BCL11A: variants seen among roughly 807,000 people sequenced by gnomAD.
BCL11A encodes the protein BCL11 transcription factor A, also known as B cell CLL/lymphoma 11A.
Under a neutral mutation model 55.9 loss-of-function variants are expected in BCL11A, and 2 were observed. The observed-to-expected ratio is 0.04, with a 90% CI of 0.01 to 0.11. The LOEUF (loss-of-function observed/expected upper bound fraction) is 0.11, where lower values mean the gene tolerates loss of function less well. Among genes scored for constraint, BCL11A ranks in the 10% least tolerant of loss-of-function variants. The pLI is 1.00. For missense variants in BCL11A, 817 were observed against 1,137.1 expected, an observed-to-expected ratio of 0.72 and a Z score of 4.05; for synonymous variants, 465 against 473.4, an observed-to-expected ratio of 0.98 and a Z score of 0.23.
At chr2:60,514,708 G>C (rs1241092659) in intron 2 of BCL11A, among the ~76,000 whole-genome samples, 1 of 151,158 alleles carries the variant, frequency 6.6e-6, no homozygotes, top group Non-Finnish European at 1.5e-5. Flanking sequence ...GAGTTTCTTA[G>C]GAAAAAAATC....
At position 60,488,812 on chromosome 2, in the gene BCL11A, TGCAATGGC is replaced by T. The variant is rs60163447; in HGVS notation, c.386-19987_386-19980del. 6.7e-3 allele frequency among the ~76,000 whole-genome samples: 1,013 copies of T among 152,294 alleles called. 10 individuals carry two copies. The highest frequency in any genetic ancestry group is 0.023 in the African/African-American group (975 of 41,546). On this transcript the variant is annotated intron_variant, in intron 2 of 3. Transcript: ENST00000642384. ...TTCGCTCTTGTTGCCCGGGCTGGAGTGCAATGGCGCAATCTCGGCTCACCGCAATCTCC... is the reference window on the plus strand; with the variant it reads ...TTCGCTCTTGTTGCCCGGGCTGGAGTGCAATCTCGGCTCACCGCAATCTCC...
chr2:60,553,286 G>GGGCGGCGGC lies in BCL11A; in HGVS notation c.-25_-17dup, dbSNP rs748538213. 4.0e-5 allele frequency: 62 copies of GGGCGGCGGC among 1,554,056 alleles called. No homozygotes were observed. The highest frequency in any genetic ancestry group is 4.4e-5 in the Non-Finnish European group (51 of 1,158,280). ...GGCGAGACATGGTGGGCTGCGGGGC[G>GGGCGGCGGC]GGCGGCGGCGGCGGCGGCGGCGGCG... On this transcript the variant is annotated 5_prime_UTR_variant, in exon 1 of 4. Coordinates refer to ENST00000642384, the MANE Select transcript of BCL11A (RefSeq NM_022893.4).
intron 2 of BCL11A, among the ~76,000 whole-genome samples, chr2:60,479,754 C>T (rs1007012021): frequency 1.3e-5 from 2 of 152,212 alleles, no homozygotes; most frequent in African/African-American, 2.4e-5. Flanking sequence ...GGTCTGTCAC[C>T]ATTTTAAAGA....
chr2:60,460,257 C>T lies in BCL11A; in HGVS notation c.*147G>A. On this transcript the variant is annotated 3_prime_UTR_variant, in exon 4 of 4. Transcript: ENST00000642384. ...ACAAGCACTCTCATATTCTTAGCTTCGTTACTTCTGTTTGTTTGTTTGTTT... is the reference window on the plus strand; with the variant it reads ...ACAAGCACTCTCATATTCTTAGCTTTGTTACTTCTGTTTGTTTGTTTGTTT... The T allele has an allele frequency of 7.1e-7, 1 of 1,413,718 alleles. No homozygotes were observed. The highest frequency in any genetic ancestry group is 9.2e-7 in the Non-Finnish European group (1 of 1,085,928). 87.6% of individuals were successfully genotyped at this position (1,413,718 alleles called of 1,614,324 possible).
At chr2:60,467,894 ATGGTGGTGG>A (rs1174093390) in intron 3 of BCL11A, among the ~76,000 whole-genome samples, 2 of 23,838 alleles carry the variant, frequency 8.4e-5, no homozygotes, top group Admixed American at 3.2e-4. Flanking sequence ...GGTGGTAGTG[ATGGTGGTGG>A]TAATGGTGGT....
intron 2 of BCL11A, chr2:60,538,324 T>C (rs1388089182): frequency 6.6e-6 from 1 of 152,228 alleles, no homozygotes; most frequent in Non-Finnish European, 1.5e-5. Flanking sequence ...CGCGTTGCCT[T>C]AGAGGAGCAA....
chr2:60,510,940 CAAACG>C (rs1287516845), intron 2 of BCL11A, among the ~76,000 whole-genome samples: 2 of 152,190 alleles, frequency 1.3e-5, no homozygotes, highest in East Asian at 1.9e-4. Flanking sequence ...CAGTTAAAAC[CAAACG>C]AAAGTCTTTC....
At chr2:60,504,719 T>C (rs1001767776) in intron 2 of BCL11A, among the ~76,000 whole-genome samples, 3 of 152,154 alleles carry the variant, frequency 2.0e-5, no homozygotes, top group African/African-American at 7.2e-5. Flanking sequence ...TCTTCAAGCT[T>C]TCTACTGGTG....
At chr2:60,462,999 C>T (rs372889732) in intron 3 of BCL11A, among the ~76,000 whole-genome samples, 2 of 152,192 alleles carry the variant, frequency 1.3e-5, no homozygotes, top group Non-Finnish European at 2.9e-5. Context: ...CAGCATTAGC[C>T]TGAAACACAC....
intron 2 of BCL11A, among the ~76,000 whole-genome samples, chr2:60,494,264 G>A (rs1182475504): frequency 1.3e-5 from 2 of 152,196 alleles, no homozygotes; most frequent in African/African-American, 2.4e-5. Flanking sequence ...GTGGGAAGAC[G>A]TGGGCTGGGA....
rs765168666 is a variant in BCL11A at position 60,468,792 on chromosome 2, C to T, written c.427G>A (p.Ala143Thr). The T allele has an allele frequency of 4.4e-5, 71 of 1,607,362 alleles. No homozygotes were observed. In the East Asian group the frequency reaches 1.6e-3, roughly 35 times the overall value. Residue 143 changes from alanine to threonine, a missense_variant, in exon 3 of 4, where the codon GCA becomes ACA. Transcript: ENST00000642384. The stretch of plus-strand genomic sequence containing the variant: ...GGCGTGGGGATTAGAGCTCCATGTG[C>T]AGAACGAGGGGAGGAGAGGCCCCTC... The part of the protein sequence containing the change: ...HWRGLSSPRS[A>T]HGALIPTPGM...
intron 2 of BCL11A, among the ~76,000 whole-genome samples, chr2:60,475,736 GAGGGGTGT>G (rs1344138071): frequency 6.6e-6 from 1 of 152,126 alleles, no homozygotes; most frequent in African/African-American, 2.4e-5. Context: ...GGGGCAGGGG[GAGGGGTGT>G]AGCCTTGCCT....
intron 2 of BCL11A, among the ~76,000 whole-genome samples, chr2:60,514,325 T>C (rs1254123411): frequency 6.6e-6 from 1 of 152,088 alleles, no homozygotes; most frequent in East Asian, 1.9e-4. Context: ...AACCCATTTC[T>C]GGGCAGTCCC....
chr2:60,468,077 A>ATGGTGGTGGTTGTGG (rs1676978188), intron 3 of BCL11A, among the ~76,000 whole-genome samples: 1 of 97,798 alleles, frequency 1.0e-5, no homozygotes, highest in Non-Finnish European at 2.1e-5. Context: ...GGTGGTAGTG[A>ATGGTGGTGGTTGTGG]TGGTGGTGGT....
chr2:60,458,992 T>G lies in BCL11A; in HGVS notation c.*1412A>C. 7.8e-6 allele frequency: 8 copies of G among 1,029,568 alleles called. No individual in the cohort carries two copies. The highest frequency in any genetic ancestry group is 9.4e-6 in the Non-Finnish European group (8 of 855,200). 63.8% of individuals were successfully genotyped at this position (1,029,568 alleles called of 1,614,324 possible). A position where few individuals can be genotyped will look rare whatever the true frequency, so the allele number is the denominator to read the frequency against. On this transcript the variant is annotated 3_prime_UTR_variant, in exon 4 of 4. Transcript: ENST00000642384. ...ACATATATACTGCTACTCTTAAAAT[T>G]CTTTCTCTTCTTTTTTTAAGAATGT... is the stretch of plus-strand genomic sequence containing the variant.
chr2:60,514,085 C>T (rs1209254152), intron 2 of BCL11A, among the ~76,000 whole-genome samples: 7 of 152,222 alleles, frequency 4.6e-5, no homozygotes, highest in Non-Finnish European at 8.8e-5. Flanking sequence ...CCACACCAGC[C>T]ATCTCCTTGT....
intron 2 of BCL11A, among the ~76,000 whole-genome samples, chr2:60,479,265 G>A (rs1408016463): frequency 6.6e-6 from 1 of 152,200 alleles, no homozygotes; most frequent in African/African-American, 2.4e-5. Context: ...AGGTCCACGT[G>A]GGGACTCAGC....
At chr2:60,486,078 C>G (rs1392122924) in intron 2 of BCL11A, among the ~76,000 whole-genome samples, 3 of 152,176 alleles carry the variant, frequency 2.0e-5, no homozygotes, top group African/African-American at 7.2e-5. Context: ...CTCCAAGCCC[C>G]TTGTTCTATC....
intron 2 of BCL11A, chr2:60,533,249 T>C (rs1214824768): frequency 1.3e-5 from 2 of 152,248 alleles, no homozygotes. Context: ...GCAAAACTCC[T>C]GGATAGACTG....
Sources: allele counts gnomAD v4.1 joint callset (sites outside exome capture counted in the v4.1 genomes callset), GRCh38; gene constraint gnomAD v4.1.1; transcripts MANE v1.5; gene names NCBI Gene and HGNC (gene_info 2026-07-23, HGNC 2026-07-21).